Variants in RRAS2 observed in about 807,000 individuals in gnomAD.
RRAS2 encodes the protein ras-related protein R-Ras2.
In RRAS2, 7 loss-of-function variants were observed where a neutral mutation model predicts 27.6. That is an observed-to-expected ratio of 0.25 (90% CI 0.14 to 0.48). The LOEUF (loss-of-function observed/expected upper bound fraction) is 0.48, where lower values mean the gene tolerates loss of function less well. RRAS2 is among the 20% of genes least tolerant of loss of function. The probability of loss-of-function intolerance (pLI) is 0.99; values close to 1 mark genes in which losing one functional copy is unlikely to be tolerated. For missense variants in RRAS2, 178 were observed against 256.2 expected (o/e 0.69, Z 2.08); for synonymous variants, 86 against 90.9 (o/e 0.95, Z 0.31).
chr11:14,317,016 TAAG>T (rs1326162081), intron 1 of RRAS2, among the ~76,000 whole-genome samples: 3 of 152,122 alleles, frequency 2.0e-5, no homozygotes, highest in South Asian at 2.1e-4. Context: ...GGTGTTAAAA[TAAG>T]AAATTTTTTA....
At chr11:14,289,175 T>G (rs1849746059) in intron 4 of RRAS2, among the ~76,000 whole-genome samples, 1 of 152,206 alleles carries the variant, frequency 6.6e-6, no homozygotes, top group South Asian at 2.1e-4. Flanking sequence ...TGGTCAAAAG[T>G]ACTGACAGAT....
intron 1 of RRAS2, among the ~76,000 whole-genome samples, chr11:14,313,886 G>A (rs1554949193): frequency 1.3e-5 from 2 of 152,116 alleles, no homozygotes; most frequent in South Asian, 2.1e-4. Context: ...AGCAGACCTA[G>A]GAAATTAATA....
chr11:14,329,508 C>G (rs1160146239), intron 1 of RRAS2, among the ~76,000 whole-genome samples: 1 of 152,158 alleles, frequency 6.6e-6, no homozygotes, highest in Non-Finnish European at 1.5e-5. Context: ...TTTTCTTATT[C>G]TAAACAAATA....
intron 4 of RRAS2, among the ~76,000 whole-genome samples, chr11:14,283,297 A>C (rs1197847991): frequency 3.3e-5 from 5 of 152,176 alleles, no homozygotes; most frequent in African/African-American, 1.2e-4. Flanking sequence ...CCCTTTTTAT[A>C]TATTGTTAAA....
At chr11:14,305,492 G>C (rs979755458) in intron 1 of RRAS2, among the ~76,000 whole-genome samples, 1 of 152,158 alleles carries the variant, frequency 6.6e-6, no homozygotes, top group East Asian at 1.9e-4. Context: ...TAGAGGGAAA[G>C]CTTGTCTTTG....
chr11:14,299,067 C>A (rs1298524179), intron 1 of RRAS2, among the ~76,000 whole-genome samples: 2 of 152,136 alleles, frequency 1.3e-5, no homozygotes, highest in African/African-American at 4.8e-5. Context: ...AAAACAGAGA[C>A]AGGAACAAAA....
chr11:14,364,415 C>T, exon 1 of RRAS2: 1 of 1,535,892 alleles, frequency 6.5e-7, no homozygotes, highest in Non-Finnish European at 8.7e-7. Flanking sequence ...GAGCATCATC[C>T]ACTTATTTCC....
intron 1 of RRAS2, among the ~76,000 whole-genome samples, chr11:14,324,497 G>GT (rs2134001485): frequency 6.6e-6 from 1 of 151,496 alleles, no homozygotes; most frequent in South Asian, 2.1e-4. Flanking sequence ...AATTGTCAAG[G>GT]TATCAGTGCT....
At chr11:14,341,926 G>A in intron 1 of RRAS2, 4 of 443,336 alleles carry the variant, frequency 9.0e-6, no homozygotes, top group Non-Finnish European at 1.8e-5. Context: ...TCCTGAATTT[G>A]GTATCTGTCA....
At chr11:14,304,929 C>T (rs1004254835) in intron 1 of RRAS2, among the ~76,000 whole-genome samples, 3 of 152,186 alleles carry the variant, frequency 2.0e-5, no homozygotes, top group South Asian at 4.1e-4. Context: ...TATTCCTTCA[C>T]TGAAGTATAG....
intron 1 of RRAS2, among the ~76,000 whole-genome samples, chr11:14,352,942 G>A (rs1192283342): frequency 6.6e-6 from 1 of 151,820 alleles, no homozygotes; most frequent in African/African-American, 2.4e-5. Context: ...GGGATTGCAG[G>A]CGCCCGCCAC....
chr11:14,321,305 T>C (rs1450146014), intron 1 of RRAS2, among the ~76,000 whole-genome samples: 1 of 152,214 alleles, frequency 6.6e-6, no homozygotes, highest in Non-Finnish European at 1.5e-5. Context: ...GTGTTCTCAA[T>C]AAATTTCCCT....
chr11:14,302,162 C>A (rs1847732027), intron 1 of RRAS2, among the ~76,000 whole-genome samples: 1 of 151,058 alleles, frequency 6.6e-6, no homozygotes, highest in East Asian at 1.9e-4. Flanking sequence ...TTCTTGAGCT[C>A]CTGCTCAGCT....
intron 1 of RRAS2, among the ~76,000 whole-genome samples, chr11:14,310,182 C>T (rs1847926958): frequency 6.6e-6 from 1 of 152,060 alleles, no homozygotes; most frequent in Admixed American, 6.6e-5. Flanking sequence ...AATGGTGGTA[C>T]CATTTATTGG....
Position 14,326,243 on chromosome 11 carries a change from G to A in RRAS2, c.109-30388C>T, listed in dbSNP as rs533879287. On this transcript the variant is annotated intron_variant, in intron 1 of 5. Coordinates refer to ENST00000256196, the MANE Select transcript of RRAS2 (RefSeq NM_012250.6). ...TGCTATATTTATTTTTCACAAAACC[G>A]GAAATAGTGACAGCTTAAAACAAGT... Among the ~76,000 whole-genome samples, 4 of 152,244 alleles carry A rather than the reference G, an allele frequency of 2.6e-5. No homozygotes were observed. In the South Asian group the frequency reaches 6.2e-4, roughly 24 times the overall value.
At chr11:14,298,618 A>G (rs879973961) in intron 1 of RRAS2, among the ~76,000 whole-genome samples, 2 of 152,066 alleles carry the variant, frequency 1.3e-5, no homozygotes, top group Non-Finnish European at 2.9e-5. Flanking sequence ...CATTGTTGGG[A>G]TTTTTGGATA....
chr11:14,312,594 A>AT (rs1848000385), intron 1 of RRAS2, among the ~76,000 whole-genome samples: 1 of 151,552 alleles, frequency 6.6e-6, no homozygotes, highest in Admixed American at 6.6e-5. Flanking sequence ...TAATTTTTTC[A>AT]TTTTTTTGTA....
At chr11:14,335,731 C>T (rs1257686180) in intron 1 of RRAS2, among the ~76,000 whole-genome samples, 1 of 152,172 alleles carries the variant, frequency 6.6e-6, no homozygotes, top group African/African-American at 2.4e-5. Flanking sequence ...ACTTTGGAAT[C>T]CAAGAAACCA....
intron 2 of RRAS2, 58 bp downstream of exon 2, chr11:14,295,710 C>A: frequency 7.7e-7 from 1 of 1,290,504 alleles, no homozygotes; most frequent in Non-Finnish European, 1.1e-6. Context: ...AAAACATCAG[C>A]GCTTACTTTT....
Sources: allele counts gnomAD v4.1 joint callset (sites outside exome capture counted in the v4.1 genomes callset), GRCh38; gene constraint gnomAD v4.1.1; transcripts MANE v1.5; gene names NCBI Gene and HGNC (gene_info 2026-07-23, HGNC 2026-07-21).